SCRN1: variants seen among roughly 807,000 people sequenced by gnomAD.
SCRN1 encodes secernin-1.
A neutral mutation model predicts 43.3 loss-of-function variants in SCRN1; 19 were observed. That is an observed-to-expected ratio of 0.44 (90% CI 0.31 to 0.64). The LOEUF (loss-of-function observed/expected upper bound fraction) is 0.64. SCRN1 is among the 30% of genes least tolerant of loss of function. The pLI is 0.09. For missense variants in SCRN1, 447 were observed against 524.1 expected (o/e 0.85, Z 1.44); for synonymous variants, 183 against 188.9 (o/e 0.97, Z 0.26).
At chr7:29,980,916 T>C (rs1276986549) in intron 1 of SCRN1, among the ~76,000 whole-genome samples, 1 of 152,148 alleles carries the variant, frequency 6.6e-6, no homozygotes. Context: ...GGCACATAGA[T>C]GGATGGATAG....
rs945708118 is a variant in SCRN1 at position 29,941,712 on chromosome 7, A to G, written c.545-836T>C. Among the ~76,000 whole-genome samples, 3 of 152,246 alleles carry G rather than the reference A, an allele frequency of 2.0e-5. No individual in the cohort carries two copies. In the South Asian group the frequency reaches 6.2e-4, roughly 32 times the overall value. ...ATTTCACTTTGATGAATGAGGGCTTAGACCAGAAACTCTCCTACCAGCTGG... is the reference window on the plus strand; with the variant it reads ...ATTTCACTTTGATGAATGAGGGCTTGGACCAGAAACTCTCCTACCAGCTGG... On this transcript the variant is annotated intron_variant, in intron 4 of 7. Coordinates refer to ENST00000242059, the MANE Select transcript of SCRN1 (RefSeq NM_014766.5).
rs932471706 is a variant in SCRN1 at position 29,936,596 on chromosome 7, G to T, written c.865C>A (p.Pro289Thr). 1 of 1,603,078 alleles carries T rather than the reference G, an allele frequency of 6.2e-7. No homozygotes were observed. ...GTTCCAGTGAAGTAGTGAATGCACG[G>T]AGAGCTTCTATTCTGCGGCAGGACA... Reference protein sequence around the residue: ...VSVLPQNRSSPCIHYFTGTPD... With the variant: ...VSVLPQNRSSTCIHYFTGTPD... Residue 289 changes from proline to threonine, a missense_variant, in exon 6 of 8, where the codon CCG becomes ACG. Pro to Thr is a conservative substitution (Grantham distance 38). Transcript: ENST00000242059.
intron 5 of SCRN1, among the ~76,000 whole-genome samples, chr7:29,940,318 A>T (rs1787495634): frequency 6.6e-6 from 1 of 152,266 alleles, no homozygotes; most frequent in South Asian, 2.1e-4. Flanking sequence ...AAGAGACAAC[A>T]CCTCTGCCCT....
chr7:29,952,511 G>A (rs1237435024), intron 3 of SCRN1, among the ~76,000 whole-genome samples: 2 of 152,088 alleles, frequency 1.3e-5, no homozygotes, highest in Admixed American at 1.3e-4. Flanking sequence ...TCAACATGGT[G>A]AAACCCCGTC....
At chr7:29,926,221 A>G (rs1241276153) in intron 7 of SCRN1, among the ~76,000 whole-genome samples, 4 of 152,234 alleles carry the variant, frequency 2.6e-5, no homozygotes, top group South Asian at 4.1e-4. Flanking sequence ...CTGAATTCCA[A>G]AATAACATGA....
At chr7:29,969,242 C>CG in intron 1 of SCRN1, 174 bp from the exon 2 acceptor site, 1 of 636,002 alleles carries the variant, frequency 1.6e-6, no homozygotes, top group Non-Finnish European at 2.6e-6. Context: ...AGTGGAATGA[C>CG]AGAGCCACCG....
At chr7:29,960,099 CT>C (rs1422958182) in intron 2 of SCRN1, among the ~76,000 whole-genome samples, 1 of 152,016 alleles carries the variant, frequency 6.6e-6, no homozygotes, top group Non-Finnish European at 1.5e-5. Context: ...ATGACTTGTA[CT>C]TTCCTATTGT....
At chr7:29,944,395 C>CAGTG (rs1787659716) in intron 3 of SCRN1, among the ~76,000 whole-genome samples, 1 of 152,138 alleles carries the variant, frequency 6.6e-6, no homozygotes, top group South Asian at 2.1e-4. Flanking sequence ...TGGCCAGGTG[C>CAGTG]AGTGGTTCAT....
At chr7:29,929,217 G>A (rs1264253717) in intron 6 of SCRN1, among the ~76,000 whole-genome samples, 1 of 152,192 alleles carries the variant, frequency 6.6e-6, no homozygotes, top group African/African-American at 2.4e-5. Flanking sequence ...AGTCAGCTCG[G>A]TTCACATCTT....
Position 29,976,580 on chromosome 7 carries a change from C to T in SCRN1, c.-1-7512G>A, listed in dbSNP as rs147798955. On this transcript the variant is annotated intron_variant, in intron 1 of 7. Coordinates refer to ENST00000242059, the MANE Select transcript of SCRN1 (RefSeq NM_014766.5). ...AGGATGGTAAATTTTATGCTATGTG[C>T]GTTTCACCACAATTAGAAGTAAAAA... Among the ~76,000 whole-genome samples, 10 of 152,234 alleles carry T rather than the reference C, an allele frequency of 6.6e-5. No individual in the cohort carries two copies. The East Asian group carries it at 1.4e-3, about 21-fold the overall frequency.
intron 7 of SCRN1, among the ~76,000 whole-genome samples, chr7:29,924,947 TTCAA>T (rs1177446170): frequency 6.6e-6 from 1 of 152,066 alleles, no homozygotes; most frequent in Non-Finnish European, 1.5e-5. Flanking sequence ...ATTTGTAAAT[TTCAA>T]AACCCACCAG....
intron 1 of SCRN1, among the ~76,000 whole-genome samples, chr7:29,976,254 A>G (rs1788834303): frequency 6.6e-6 from 1 of 152,226 alleles, no homozygotes; most frequent in Non-Finnish European, 1.5e-5. Flanking sequence ...GCTATCTGGT[A>G]CTTGAAATGT....
intron 2 of SCRN1, among the ~76,000 whole-genome samples, chr7:29,961,223 G>C (rs1460199820): frequency 7.0e-6 from 1 of 143,596 alleles, no homozygotes. Flanking sequence ...GCGGCCTTCC[G>C]CGGTGTTTGT....
At chr7:29,982,652 C>T (rs1789023237) in intron 1 of SCRN1, among the ~76,000 whole-genome samples, 1 of 136,722 alleles carries the variant, frequency 7.3e-6, no homozygotes, top group Non-Finnish European at 1.5e-5. Context: ...CACTGCACTG[C>T]AGCCTGGACA....
intron 6 of SCRN1, among the ~76,000 whole-genome samples, chr7:29,931,570 C>A (rs1158441236): frequency 6.6e-6 from 1 of 152,202 alleles, no homozygotes; most frequent in Admixed American, 6.5e-5. Flanking sequence ...TTTCCATACA[C>A]CTTATACTGC....
In SCRN1 at chr7:29,922,906, C is replaced by T. The variant is rs982004716; in HGVS notation, c.*1051G>A. On this transcript the variant is annotated 3_prime_UTR_variant, in exon 8 of 8. Transcript: ENST00000242059. ...TGGTAAGTCAAATCCTTTAAGTGAA[C>T]CCGACATTGGAAACAAATCAGTTTA... The T allele has an allele frequency of 2.0e-5, 3 of 152,230 alleles. No individual in the cohort carries two copies. The highest frequency in any genetic ancestry group is 7.2e-5 in the African/African-American group (3 of 41,440). The allele number at this position is 152,230 out of a possible 1,614,324, so 9.4% of individuals were successfully genotyped here.
chr7:29,927,815 CAGGTATGAATATTTTCAGGTATGGGCA>C (rs1787018256), intron 6 of SCRN1, among the ~76,000 whole-genome samples: 1 of 152,118 alleles, frequency 6.6e-6, no homozygotes, highest in African/African-American at 2.4e-5. Flanking sequence ...GTATGGCACA[CAGGTATGAATATTTTCAGGTATGGGCA>C]AGGTATGGTG....
rs116149267 is a variant in SCRN1, at chr7:29,937,972, T to C, written c.740-1251A>G. ...CCTCATTGTCTTATAAATGAGCCTA[T>C]TGATTTGAATTGGAACCAATCAGAA... On this transcript the variant is annotated intron_variant, in intron 5 of 7. Coordinates refer to ENST00000242059, the MANE Select transcript of SCRN1 (RefSeq NM_014766.5). Among the ~76,000 whole-genome samples the C allele has an allele frequency of 2.5e-3, 378 of 152,314 alleles. 5 individuals carry two copies. The highest frequency in any genetic ancestry group is 8.7e-3 in the African/African-American group (362 of 41,564).
chr7:29,968,820 C>G, intron 2 of SCRN1, 89 bp downstream of exon 2: 1 of 1,506,724 alleles, frequency 6.6e-7, no homozygotes, highest in Middle Eastern at 2.1e-4. Context: ...GACTTGTGAG[C>G]AAGCTTCCAA....
Sources: gnomAD v4.1 joint callset for allele counts (sites outside exome capture counted in the v4.1 genomes callset) on GRCh38, gnomAD v4.1.1 for gene constraint, MANE v1.5 for transcripts, NCBI Gene and HGNC (gene_info 2026-07-23, HGNC 2026-07-21) for gene names.